The following ST8SIA1 variants were observed in gnomAD, a reference collection of about 807,000 sequenced individuals.
ST8SIA1 encodes alpha-N-acetylneuraminide alpha-2,8-sialyltransferase.
ST8SIA1 carries 16 observed loss-of-function variants against 35.9 expected under a neutral mutation model. The ratio of observed to expected loss-of-function variants is 0.45; its 90% CI spans 0.30 to 0.68. The LOEUF (loss-of-function observed/expected upper bound fraction) is 0.68, where lower values mean the gene tolerates loss of function less well. Ranked by LOEUF, ST8SIA1 falls within the 30% of genes least tolerant of loss-of-function variation. ST8SIA1 has a pLI of 0.09. For missense variants in ST8SIA1, 383 were observed against 453.6 expected, an observed-to-expected ratio of 0.84 and a Z score of 1.41; for synonymous variants, 170 against 169.6, an observed-to-expected ratio of 1.00 and a Z score of -0.02.
chr12:22,276,903 C>G (rs538557741), intron 2 of ST8SIA1, among the ~76,000 whole-genome samples: 1 of 152,112 alleles, frequency 6.6e-6, no homozygotes, highest in South Asian at 2.1e-4. Flanking sequence ...TCAACTGTAT[C>G]TGCAAGACTT....
At chr12:22,257,766 G>C (rs1393798826) in intron 2 of ST8SIA1, among the ~76,000 whole-genome samples, 5 of 152,054 alleles carry the variant, frequency 3.3e-5, no homozygotes, top group Non-Finnish European at 7.4e-5. Flanking sequence ...GACTATTAGG[G>C]AGGTTGGGAA....
chr12:22,268,404 T>C (rs2135804507), intron 2 of ST8SIA1: 1 of 152,372 alleles, frequency 6.6e-6, no homozygotes, highest in Non-Finnish European at 1.5e-5. Context: ...CTAGAGACTG[T>C]GGCAAACAAA....
intron 4 of ST8SIA1, among the ~76,000 whole-genome samples, chr12:22,209,205 A>G (rs1457719324): frequency 6.6e-6 from 1 of 152,180 alleles, no homozygotes; most frequent in Non-Finnish European, 1.5e-5. Flanking sequence ...AGGGATTAGT[A>G]TCAAGGATAC....
chr12:22,305,209 G>A (rs966469714), intron 1 of ST8SIA1, among the ~76,000 whole-genome samples: 2 of 151,972 alleles, frequency 1.3e-5, no homozygotes, highest in African/African-American at 4.8e-5. Context: ...TAATGAATGG[G>A]CTTAAAGAAA....
intron 2 of ST8SIA1, among the ~76,000 whole-genome samples, chr12:22,283,959 T>C (rs1411626556): frequency 1.3e-5 from 2 of 152,194 alleles, no homozygotes; most frequent in African/African-American, 4.8e-5. Flanking sequence ...TGTGGCAGAA[T>C]TGAATAAATT....
At chr12:22,271,468 A>G (rs1288013297) in intron 2 of ST8SIA1, among the ~76,000 whole-genome samples, 1 of 152,202 alleles carries the variant, frequency 6.6e-6, no homozygotes. Context: ...ACACAATTAC[A>G]GCATCAGAGG....
Position 22,243,109 on chromosome 12 carries a change from T to C in ST8SIA1, c.584+5897A>G, listed in dbSNP as rs1238645432. On this transcript the variant is annotated intron_variant, in intron 4 of 4. Transcript: ENST00000396037. ...ACTATAATTATGAGTGCCTCTCACA[T>C]ATGTATGCTTAATTTTTCTAAAACC... Among the ~76,000 whole-genome samples the C allele has an allele frequency of 2.0e-5, 3 of 152,322 alleles. No individual in the cohort carries two copies. The East Asian group carries it at 5.8e-4, about 29-fold the overall frequency.
chr12:22,211,075 T>C (rs1865170666), intron 4 of ST8SIA1, among the ~76,000 whole-genome samples: 1 of 152,192 alleles, frequency 6.6e-6, no homozygotes, highest in South Asian at 2.1e-4. Context: ...GATTCATGAG[T>C]CTTTGCTCAA....
intron 3 of ST8SIA1, 146 bp downstream of exon 3, chr12:22,255,134 G>T: frequency 1.5e-6 from 1 of 669,870 alleles, no homozygotes. Context: ...TCCTAAACTC[G>T]CTTGTCTATG....
chr12:22,254,273 C>T (rs1865704881), intron 3 of ST8SIA1, among the ~76,000 whole-genome samples: 1 of 152,118 alleles, frequency 6.6e-6, no homozygotes, highest in Non-Finnish European at 1.5e-5. Context: ...ATACCCTGAG[C>T]TCTGAAATCT....
intron 1 of ST8SIA1, among the ~76,000 whole-genome samples, chr12:22,319,156 G>C (rs1258587509): frequency 3.3e-5 from 5 of 152,158 alleles, no homozygotes; most frequent in Admixed American, 3.3e-4. Context: ...ATTTGCGAAT[G>C]TTAAATGATA....
chr12:22,240,334 A>G (rs1865525627), intron 4 of ST8SIA1, among the ~76,000 whole-genome samples: 1 of 152,156 alleles, frequency 6.6e-6, no homozygotes, highest in Non-Finnish European at 1.5e-5. Flanking sequence ...GCTATATAAT[A>G]TTGCCTCTCA....
chr12:22,275,782 G>A (rs142064671), intron 2 of ST8SIA1, among the ~76,000 whole-genome samples: 209 of 152,342 alleles, frequency 1.4e-3, no homozygotes, highest in African/African-American at 4.6e-3. Context: ...GAAACCAGAT[G>A]GGGCTCAGTG....
In ST8SIA1 at chr12:22,307,657, T is replaced by G. The variant is rs185484352; in HGVS notation, c.237-20364A>C. ...GCTTCCCGTGTTGTGAGTACTGAAGTTGTAGATTTCTGTACTCTCCTAATC... is the reference window on the plus strand; with the variant it reads ...GCTTCCCGTGTTGTGAGTACTGAAGGTGTAGATTTCTGTACTCTCCTAATC... On this transcript the variant is annotated intron_variant, in intron 1 of 4. Coordinates refer to ENST00000396037, the MANE Select transcript of ST8SIA1 (RefSeq NM_003034.4). 6.6e-5 allele frequency among the ~76,000 whole-genome samples: 10 copies of G among 152,336 alleles called. No homozygotes were observed. In the East Asian group the frequency reaches 1.5e-3, roughly 23 times the overall value.
intron 4 of ST8SIA1, among the ~76,000 whole-genome samples, chr12:22,215,369 T>C (rs1865223757): frequency 6.6e-6 from 1 of 152,196 alleles, no homozygotes; most frequent in South Asian, 2.1e-4. Flanking sequence ...TGCTGTTCTA[T>C]GCACTGAGGG....
At chr12:22,327,056 C>T (rs1209814248) in intron 1 of ST8SIA1, among the ~76,000 whole-genome samples, 1 of 152,146 alleles carries the variant, frequency 6.6e-6, no homozygotes, top group African/African-American at 2.4e-5. Flanking sequence ...ACAAAAAACC[C>T]ACTATAATTT....
At chr12:22,204,663 G>A (rs1352117780) in intron 4 of ST8SIA1, among the ~76,000 whole-genome samples, 1 of 152,122 alleles carries the variant, frequency 6.6e-6, no homozygotes, top group Non-Finnish European at 1.5e-5. Flanking sequence ...GTCTTGAAGG[G>A]AGTAGTTTTC....
At chr12:22,219,288 A>G (rs1187071680) in intron 4 of ST8SIA1, among the ~76,000 whole-genome samples, 1 of 152,302 alleles carries the variant, frequency 6.6e-6, no homozygotes, top group Non-Finnish European at 1.5e-5. Context: ...CATAGACAGG[A>G]TATCTGTATA....
chr12:22,219,377 A>G (rs1865270813), intron 4 of ST8SIA1, among the ~76,000 whole-genome samples: 1 of 152,192 alleles, frequency 6.6e-6, no homozygotes, highest in African/African-American at 2.4e-5. Context: ...CAAACTGAAA[A>G]TCTGAGAAGG....
Sources: gnomAD v4.1 joint callset for allele counts (sites outside exome capture counted in the v4.1 genomes callset) on GRCh38, gnomAD v4.1.1 for gene constraint, MANE v1.5 for transcripts, NCBI Gene and HGNC (gene_info 2026-07-23, HGNC 2026-07-21) for gene names.